CDH13: variants seen among roughly 807,000 people sequenced by gnomAD.
The protein encoded by CDH13 is cadherin 13.
A neutral mutation model predicts 63.8 loss-of-function variants in CDH13; 24 were observed. The observed-to-expected ratio is 0.38, with a 90% CI of 0.27 to 0.53. CDH13 has a LOEUF of 0.53. Ranked by LOEUF, CDH13 falls within the 20% of genes least tolerant of loss-of-function variation. The pLI is 0.85. For synonymous variants in CDH13, 503 were observed against 355.3 expected, an observed-to-expected ratio of 1.42 and a Z score of -4.67; for missense variants, 1,049 against 903.1, an observed-to-expected ratio of 1.16 and a Z score of -2.07.
chr16:83,744,054 C>A lies in CDH13; in HGVS notation c.1539-4054C>A, dbSNP rs529832257. The stretch of plus-strand genomic sequence containing the variant: ...CTCAACCTTAAAACAAGGATGATAC[C>A]CACTTCATCAGGTTGTCATGAGTCA... On this transcript the variant is annotated intron_variant, in intron 10 of 13. Coordinates refer to ENST00000567109, the MANE Select transcript of CDH13 (RefSeq NM_001257.5). Among the ~76,000 whole-genome samples, 36 of 152,162 alleles carry A rather than the reference C, an allele frequency of 2.4e-4. 1 individual carries two copies. The highest frequency in any genetic ancestry group is 8.4e-4 in the African/African-American group (35 of 41,508).
At chr16:83,179,069 C>T (rs922171401) in intron 4 of CDH13, among the ~76,000 whole-genome samples, 5 of 152,160 alleles carry the variant, frequency 3.3e-5, no homozygotes, top group Non-Finnish European at 5.9e-5. Flanking sequence ...ACCCTATTGG[C>T]AATTATGGAA....
chr16:83,087,489 G>A (rs1048155125), intron 3 of CDH13, among the ~76,000 whole-genome samples: 2 of 151,794 alleles, frequency 1.3e-5, no homozygotes, highest in African/African-American at 2.4e-5. Flanking sequence ...CCAACATGTC[G>A]AAACCCTGTG....
At chr16:83,601,276 C>T (rs1907766362) in intron 7 of CDH13, among the ~76,000 whole-genome samples, 3 of 152,134 alleles carry the variant, frequency 2.0e-5, no homozygotes, top group Middle Eastern at 3.4e-3. Context: ...AAACCTACTA[C>T]CAAAGATAAT....
intron 5 of CDH13, among the ~76,000 whole-genome samples, chr16:83,317,922 C>T (rs181655031): frequency 1.4e-3 from 206 of 152,240 alleles, no homozygotes; most frequent in Non-Finnish European, 2.3e-3. Context: ...AGCAACAGGG[C>T]GGGGACTAGC....
intron 7 of CDH13, among the ~76,000 whole-genome samples, chr16:83,495,117 C>G (rs556167603): frequency 3.3e-5 from 5 of 152,164 alleles, no homozygotes; most frequent in South Asian, 2.1e-4. Flanking sequence ...TCATTCTGAA[C>G]CAAATATGAG....
intron 8 of CDH13, among the ~76,000 whole-genome samples, chr16:83,660,063 A>T (rs544287457): frequency 9.7e-4 from 147 of 152,124 alleles, no homozygotes; most frequent in African/African-American, 3.4e-3. Flanking sequence ...CTGAGATTAC[A>T]CTCAGAAGCC....
chr16:83,052,093 T>C (rs1336905514), intron 3 of CDH13, among the ~76,000 whole-genome samples: 5 of 152,216 alleles, frequency 3.3e-5, no homozygotes, highest in Non-Finnish European at 7.3e-5. Flanking sequence ...AACTATATCA[T>C]GCATTCTCTG....
At chr16:82,826,076 T>C (rs2549150) in intron 1 of CDH13, 117,007 of 151,988 alleles carry the variant, frequency 0.77, 45,320 homozygotes, top group East Asian at 0.95. Context: ...AGGATGGTCT[T>C]GATCTCCTGA....
At chr16:83,149,430 T>A (rs1054083360) in intron 4 of CDH13, among the ~76,000 whole-genome samples, 1 of 152,130 alleles carries the variant, frequency 6.6e-6, no homozygotes, top group African/African-American at 2.4e-5. Context: ...CATGATAGGA[T>A]CACAACAGTG....
chr16:83,107,777 T>C (rs2034845288), intron 3 of CDH13, among the ~76,000 whole-genome samples: 1 of 151,250 alleles, frequency 6.6e-6, no homozygotes, highest in African/African-American at 2.4e-5. Flanking sequence ...TTCCTCTGAC[T>C]CTTTGTCCCT....
intron 1 of CDH13, among the ~76,000 whole-genome samples, chr16:82,714,207 C>T (rs1291237714): frequency 6.6e-6 from 1 of 152,168 alleles, no homozygotes; most frequent in African/African-American, 2.4e-5. Context: ...GCCTCTGACT[C>T]CACTTAAGCC....
chr16:83,315,274 G>T (rs559944794), intron 5 of CDH13, among the ~76,000 whole-genome samples: 15 of 152,372 alleles, frequency 9.8e-5, no homozygotes, highest in African/African-American at 3.6e-4. Context: ...AACATTCAGA[G>T]TGCTGAGAAT....
intron 5 of CDH13, among the ~76,000 whole-genome samples, chr16:83,318,500 G>C (rs553764045): frequency 6.6e-6 from 1 of 152,296 alleles, no homozygotes; most frequent in East Asian, 1.9e-4. Flanking sequence ...TTGAATGAAA[G>C]ATCCCACATG....
chr16:82,986,828 G>A (rs938849610), intron 2 of CDH13, among the ~76,000 whole-genome samples: 3 of 152,176 alleles, frequency 2.0e-5, no homozygotes, highest in African/African-American at 4.8e-5. Flanking sequence ...ATCTCATTCT[G>A]TCATACCTGG....
chr16:83,213,625 G>A (rs1462297656), intron 4 of CDH13, among the ~76,000 whole-genome samples: 4 of 152,166 alleles, frequency 2.6e-5, no homozygotes, highest in African/African-American at 7.2e-5. Flanking sequence ...TCCCATGTTC[G>A]TTGCTCGTCA....
chr16:82,655,881 A>G (rs1467112684), intron 1 of CDH13, among the ~76,000 whole-genome samples: 5 of 152,142 alleles, frequency 3.3e-5, no homozygotes, highest in African/African-American at 1.2e-4. Flanking sequence ...CTCACTACTC[A>G]AGTGCCTGAA....
chr16:83,516,403 C>G (rs1456077588), intron 7 of CDH13, among the ~76,000 whole-genome samples: 1 of 152,106 alleles, frequency 6.6e-6, no homozygotes, highest in Non-Finnish European at 1.5e-5. Flanking sequence ...AAAATAGTGT[C>G]AACATTACAG....
At chr16:83,467,968 C>G (rs764539970) in intron 6 of CDH13, among the ~76,000 whole-genome samples, 8 of 152,182 alleles carry the variant, frequency 5.3e-5, no homozygotes, top group Non-Finnish European at 1.0e-4. Flanking sequence ...AAAGTTGCCT[C>G]TTTTTCTCCT....
At chr16:82,829,034 A>G (rs1419611809) in intron 1 of CDH13, among the ~76,000 whole-genome samples, 2 of 152,162 alleles carry the variant, frequency 1.3e-5, no homozygotes, top group East Asian at 3.9e-4. Context: ...AAAAAGGTGG[A>G]CACATGGAAT....
Sources: gnomAD v4.1 joint callset for allele counts (sites outside exome capture counted in the v4.1 genomes callset) on GRCh38, gnomAD v4.1.1 for gene constraint, MANE v1.5 for transcripts, NCBI Gene and HGNC (gene_info 2026-07-23, HGNC 2026-07-21) for gene names.